The following TREML4 variants were observed in gnomAD, a reference collection of about 807,000 sequenced individuals.
TREML4 encodes the protein triggering receptor expressed on myeloid cells like 4, also known as trem-like transcript 4 protein.
Under a neutral mutation model 25.4 loss-of-function variants are expected in TREML4, and 25 were observed. The observed-to-expected ratio is 0.98, with a 90% CI of 0.72 to 1.37. The LOEUF (loss-of-function observed/expected upper bound fraction) is 1.37, where lower values mean the gene tolerates loss of function less well. TREML4 is among the 40% of genes most tolerant of loss of function. The pLI is 0.00. For synonymous variants in TREML4, 92 were observed against 87.9 expected (o/e 1.05, Z -0.26); for missense variants, 268 against 236.5 (o/e 1.13, Z -0.87).
intron 1 of TREML4, 63 bp downstream of exon 1, chr6:41,228,553 G>A: frequency 1.9e-6 from 3 of 1,559,646 alleles, no homozygotes; most frequent in Non-Finnish European, 2.6e-6. Flanking sequence ...GTGGGGCAGG[G>A]AGCAGCATGG....
At chr6:41,231,232 C>T (rs1342783216) in intron 4 of TREML4, 2 of 198,318 alleles carry the variant, frequency 1.0e-5, no homozygotes, top group East Asian at 1.4e-4. Context: ...CTGAAACCAT[C>T]CCCGACTCTC....
intron 4 of TREML4, among the ~76,000 whole-genome samples, chr6:41,230,613 CA>C (rs1267944126): frequency 3.3e-5 from 5 of 152,136 alleles, no homozygotes; most frequent in Non-Finnish European, 7.4e-5. Flanking sequence ...TCTAGGGGAC[CA>C]TGGAGCACAG....
chr6:41,235,514 A>G (rs1766877704), intron 4 of TREML4, among the ~76,000 whole-genome samples: 1 of 152,216 alleles, frequency 6.6e-6, no homozygotes, highest in Non-Finnish European at 1.5e-5. Flanking sequence ...TACATTACAA[A>G]TAGATTTCTA....
chr6:41,230,184 T>C, intron 4 of TREML4, 62 bp downstream of exon 4: 1 of 1,393,962 alleles, frequency 7.2e-7, no homozygotes, highest in Non-Finnish European at 1.0e-6. Flanking sequence ...GATTAGCTCC[T>C]GAACCTTGGA....
intron 4 of TREML4, among the ~76,000 whole-genome samples, chr6:41,230,778 G>C (rs752805214): frequency 1.3e-5 from 2 of 152,186 alleles, no homozygotes; most frequent in Admixed American, 1.3e-4. Context: ...GAAAAAGTAT[G>C]GCAGCTAATG....
chr6:41,229,109 C>T (rs1766737138), intron 2 of TREML4, 65 bp downstream of exon 2: 2 of 1,378,242 alleles, frequency 1.5e-6, no homozygotes, highest in Admixed American at 1.9e-5. Context: ...AAATGTCATG[C>T]ACCCCCTCCC....
At chr6:41,228,596 T>G in intron 1 of TREML4, 106 bp downstream of exon 1, 1 of 1,476,724 alleles carries the variant, frequency 6.8e-7, no homozygotes, top group Non-Finnish European at 9.2e-7. Flanking sequence ...TTAGGGGCCC[T>G]CTTCCATGTG....
Position 41,237,362 on chromosome 6 carries a change from G to T in TREML4, c.*343G>T. On this transcript the variant is annotated 3_prime_UTR_variant, in exon 6 of 6. Coordinates refer to ENST00000341495, the MANE Select transcript of TREML4 (RefSeq NM_198153.3). ...CCTGGGGTGGGGGTTTCTGCATCCGGGTCAATGCCCAGCTCAGCATCTTCA... is the reference window on the plus strand; with the variant it reads ...CCTGGGGTGGGGGTTTCTGCATCCGTGTCAATGCCCAGCTCAGCATCTTCA... 6.3e-6 allele frequency: 1 copy of T among 159,914 alleles called. No individual in the cohort carries two copies. The highest frequency in any genetic ancestry group is 2.4e-5 in the African/African-American group (1 of 41,920). The allele number at this position is 159,914 out of a possible 1,614,324, so 9.9% of individuals were successfully genotyped here.
In TREML4 at chr6:41,230,126, G is replaced by A. The variant is rs761619747; in HGVS notation, c.506+4G>A. Reference sequence around the variant, plus strand: ...CCATCAATGGCTCTGAGACCAGGTAGGTCAGAGGTTTTAACACTGGGAGGG... The same window carrying A: ...CCATCAATGGCTCTGAGACCAGGTAAGTCAGAGGTTTTAACACTGGGAGGG... On this transcript the variant is annotated splice_donor_region_variant and intron_variant, in intron 4 of 5. Transcript: ENST00000341495. 1 of 1,606,842 alleles carries A rather than the reference G, an allele frequency of 6.2e-7. No homozygotes were observed. Among genetic ancestry groups the A allele is most frequent in the Non-Finnish European group, 8.5e-7 (1 of 1,173,438 alleles).
chr6:41,228,556 C>G, intron 1 of TREML4, 66 bp downstream of exon 1: 1 of 1,552,322 alleles, frequency 6.4e-7, no homozygotes, highest in Admixed American at 1.8e-5. Context: ...GGGCAGGGAG[C>G]AGCATGGCTG....
At chr6:41,231,935 T>C (rs533745788) in intron 4 of TREML4, among the ~76,000 whole-genome samples, 29 of 152,148 alleles carry the variant, frequency 1.9e-4, no homozygotes, top group Admixed American at 1.6e-3. Flanking sequence ...CATTGCCAAA[T>C]AGGGGAAAAC....
chr6:41,234,224 A>G (rs1331548796), intron 4 of TREML4, among the ~76,000 whole-genome samples: 2 of 152,092 alleles, frequency 1.3e-5, no homozygotes, highest in Admixed American at 6.5e-5. Flanking sequence ...TAATACATTC[A>G]TATATGAATG....
At chr6:41,231,614 A>G (rs1048670473) in intron 4 of TREML4, among the ~76,000 whole-genome samples, 5 of 152,178 alleles carry the variant, frequency 3.3e-5, no homozygotes, top group Admixed American at 2.0e-4. Context: ...CATTGGAAAA[A>G]AGAGCCAAAT....
intron 4 of TREML4, among the ~76,000 whole-genome samples, chr6:41,235,377 G>C (rs1476399674): frequency 6.6e-6 from 1 of 152,128 alleles, no homozygotes; most frequent in Non-Finnish European, 1.5e-5. Flanking sequence ...GATTAGACAA[G>C]AAGAGGAAAA....
chr6:41,237,066 C>G lies in TREML4; in HGVS notation c.*47C>G. ...TTGCCCCATCTCAGGACAGCAGTGA[C>G]GAGGTTTCTGATTGTCCCAGCACAG... is the stretch of plus-strand genomic sequence containing the variant. On this transcript the variant is annotated 3_prime_UTR_variant, in exon 6 of 6. Coordinates refer to ENST00000341495, the MANE Select transcript of TREML4 (RefSeq NM_198153.3). The G allele has an allele frequency of 6.4e-6, 1 of 156,350 alleles. No homozygotes were observed. The highest frequency in any genetic ancestry group is 1.4e-5 in the Non-Finnish European group (1 of 70,432). 9.7% of individuals were successfully genotyped at this position (156,350 alleles called of 1,614,324 possible).
intron 4 of TREML4, chr6:41,231,022 C>T: frequency 2.9e-6 from 1 of 345,968 alleles, no homozygotes; most frequent in Non-Finnish European, 6.0e-6. Context: ...AGGTTGCACG[C>T]TCCTTATGAT....
chr6:41,230,150 G>T (rs1312357842), intron 4 of TREML4, 28 bp downstream of exon 4: 2 of 1,571,662 alleles, frequency 1.3e-6, no homozygotes, highest in South Asian at 1.1e-5. Flanking sequence ...ACACTGGGAG[G>T]GAGGTCTTGG....
chr6:41,228,869 G>C lies in TREML4; in HGVS notation c.219G>C (p.Trp73Cys), dbSNP rs1766730859. ...CTLLVTSSKPWTAVQKSHYTI... is the reference protein window; with the variant it reads ...CTLLVTSSKPCTAVQKSHYTI... ...TACTTGTCACCAGCTCCAAGCCCTG[G>C]ACAGCAGTTCAGAAGTCTCATTACA... Residue 73 changes from tryptophan (W) to cysteine (C), a missense_variant, in exon 2 of 6, where the codon TGG (tryptophan) becomes TGC (cysteine). Coordinates refer to ENST00000341495, the MANE Select transcript of TREML4 (RefSeq NM_198153.3). The C allele has an allele frequency of 1.2e-6, 2 of 1,614,106 alleles. No homozygotes were observed. Among genetic ancestry groups the C allele is most frequent in the Non-Finnish European group, 1.7e-6 (2 of 1,179,998 alleles).
intron 4 of TREML4, 64 bp downstream of exon 4, chr6:41,230,186 A>T (rs546048518): frequency 2.4e-4 from 337 of 1,378,134 alleles, no homozygotes; most frequent in Non-Finnish European, 3.1e-4. Context: ...TTAGCTCCTG[A>T]ACCTTGGAAT....
Sources: gnomAD v4.1 joint callset for allele counts (sites outside exome capture counted in the v4.1 genomes callset) on GRCh38, gnomAD v4.1.1 for gene constraint, MANE v1.5 for transcripts, NCBI Gene and HGNC (gene_info 2026-07-23, HGNC 2026-07-21) for gene names.